The following BRAF variants were observed in gnomAD, a reference collection of about 807,000 sequenced individuals.
The protein encoded by BRAF is B-Raf proto-oncogene, serine/threonine kinase, also known as serine/threonine-protein kinase B-raf.
Under a neutral mutation model 104.6 loss-of-function variants are expected in BRAF, and 16 were observed. The ratio of observed to expected loss-of-function variants is 0.15; its 90% confidence interval spans 0.10 to 0.23. BRAF has a LOEUF of 0.23. Among genes scored for constraint, BRAF ranks in the 10% least tolerant of loss-of-function variants. The probability of loss-of-function intolerance (pLI) is 1.00; values close to 1 mark genes in which losing one functional copy is unlikely to be tolerated. For synonymous variants in BRAF, 310 were observed against 341.6 expected (o/e 0.91, Z 1.02); for missense variants, 541 against 937.3 (o/e 0.58, Z 5.52).
intron 2 of BRAF, 174 bp from the exon 3 acceptor site, chr7:140,835,046 TGATA>T (rs1807177830): frequency 2.8e-6 from 2 of 703,092 alleles, no homozygotes; most frequent in Non-Finnish European, 4.7e-6. Flanking sequence ...ACCTTTAAAT[TGATA>T]AATTCTTTGT....
rs563842933 is a variant in BRAF at position 140,913,200 on chromosome 7, T to C, written c.138+11366A>G. 6.2e-4 allele frequency among the ~76,000 whole-genome samples: 94 copies of C among 152,096 alleles called. 1 individual carries two copies. The highest frequency in any genetic ancestry group is 2.1e-3 in the African/African-American group (89 of 41,484). On this transcript the variant is annotated intron_variant, in intron 1 of 19. Transcript: ENST00000644969. ...CCACAGCACTTATTACCTTTGAACA[T>C]ACTACATAATTTCCTTTCTGTATGT...
chr7:140,727,476 A>T (rs917039840), intron 19 of BRAF, among the ~76,000 whole-genome samples: 1 of 151,014 alleles, frequency 6.6e-6, no homozygotes, highest in Non-Finnish European at 1.5e-5. Context: ...GAGCCACTGC[A>T]CCCGGCCGCC....
chr7:140,765,494 C>T (rs975499796), intron 14 of BRAF, among the ~76,000 whole-genome samples: 1 of 152,074 alleles, frequency 6.6e-6, no homozygotes, highest in East Asian at 1.9e-4. Flanking sequence ...AAAGAAACTA[C>T]CATCAGAGTG....
At chr7:140,811,351 G>A (rs889272018) in intron 3 of BRAF, among the ~76,000 whole-genome samples, 2 of 152,130 alleles carry the variant, frequency 1.3e-5, no homozygotes, top group African/African-American at 4.8e-5. Flanking sequence ...CAGAGGCTAA[G>A]GCAGAGTGGC....
chr7:140,766,528 A>C (rs1224770440), intron 14 of BRAF, among the ~76,000 whole-genome samples: 1 of 152,160 alleles, frequency 6.6e-6, no homozygotes, highest in Non-Finnish European at 1.5e-5. Flanking sequence ...TAGATTCCAC[A>C]AATGTCAACA....
intron 1 of BRAF, among the ~76,000 whole-genome samples, chr7:140,917,930 C>G (rs1817794582): frequency 6.6e-6 from 1 of 152,136 alleles, no homozygotes; most frequent in African/African-American, 2.4e-5. Context: ...TGTCTATTAG[C>G]TACTTCTGAG....
intron 2 of BRAF, among the ~76,000 whole-genome samples, chr7:140,846,413 C>T (rs551738222): frequency 6.6e-6 from 1 of 152,208 alleles, no homozygotes; most frequent in East Asian, 1.9e-4. Flanking sequence ...AAGCCAGTCA[C>T]AAAAGGACAA....
At chr7:140,731,919 C>G (rs1476791033) in intron 19 of BRAF, 2 of 151,732 alleles carry the variant, frequency 1.3e-5, no homozygotes, top group African/African-American at 4.8e-5. Context: ...CGCCTGTAAT[C>G]CCAGCACTTT....
chr7:140,747,492 T>G (rs1042991230), intron 17 of BRAF: 1 of 982,260 alleles, frequency 1.0e-6, no homozygotes, highest in Non-Finnish European at 1.4e-6. Context: ...TGGGATGCTT[T>G]TATCTGTATT....
chr7:140,757,448 C>T (rs1277203706), intron 14 of BRAF, among the ~76,000 whole-genome samples: 1 of 152,078 alleles, frequency 6.6e-6, no homozygotes, highest in Non-Finnish European at 1.5e-5. Flanking sequence ...CGCCACCATG[C>T]CCAGCTAATT....
In BRAF at chr7:140,726,428, T is replaced by C; in HGVS notation, c.*66A>G. 1.1e-5 allele frequency: 17 copies of C among 1,531,722 alleles called. No homozygotes were observed. The highest frequency in any genetic ancestry group is 1.3e-5 in the Non-Finnish European group (15 of 1,145,830). The allele number at this position is 1,531,722 out of a possible 1,614,324, so 94.9% of individuals were successfully genotyped here. ...AAGATTTGAGGAACAGAACTGTGTT[T>C]TGATGTTAACAAATTGTACGAACAC... On this transcript the variant is annotated 3_prime_UTR_variant, in exon 20 of 20. Coordinates refer to ENST00000644969, the MANE Select transcript of BRAF (RefSeq NM_001374258.1).
chr7:140,888,460 A>C (rs1303107434), intron 1 of BRAF, among the ~76,000 whole-genome samples: 1 of 152,096 alleles, frequency 6.6e-6, no homozygotes, highest in Non-Finnish European at 1.5e-5. Context: ...AGAAAACATT[A>C]TTGCTGCTAG....
At chr7:140,777,782 G>A (rs1413485391) in intron 13 of BRAF, among the ~76,000 whole-genome samples, 1 of 152,020 alleles carries the variant, frequency 6.6e-6, no homozygotes, top group Non-Finnish European at 1.5e-5. Flanking sequence ...TTCAGTCTAG[G>A]ACTAAGTATT....
At chr7:140,917,126 T>C (rs1458775481) in intron 1 of BRAF, among the ~76,000 whole-genome samples, 1 of 152,232 alleles carries the variant, frequency 6.6e-6, no homozygotes, top group Non-Finnish European at 1.5e-5. Context: ...AATGACGCGA[T>C]CTCGGCTCAC....
chr7:140,721,829 C>T lies in BRAF; in HGVS notation c.*4665G>A. 7.3e-7 allele frequency: 1 copy of T among 1,366,176 alleles called. No individual in the cohort carries two copies. The highest frequency in any genetic ancestry group is 9.4e-7 in the Non-Finnish European group (1 of 1,061,916). The allele number at this position is 1,366,176 out of a possible 1,614,324, so 84.6% of individuals were successfully genotyped here. ...CCAGGTCATAAAGGATGCCTTGAGACCTCCACCCTGGCCCCCACAGCGCTT... is the reference window on the plus strand; with the variant it reads ...CCAGGTCATAAAGGATGCCTTGAGATCTCCACCCTGGCCCCCACAGCGCTT... On this transcript the variant is annotated 3_prime_UTR_variant, in exon 20 of 20. Coordinates refer to ENST00000644969, the MANE Select transcript of BRAF (RefSeq NM_001374258.1).
rs147877017 is a variant in BRAF, at chr7:140,813,888, TAC to T, written c.505-4895_505-4894del. On this transcript the variant is annotated intron_variant, in intron 3 of 19. Coordinates refer to ENST00000644969, the MANE Select transcript of BRAF (RefSeq NM_001374258.1). ...ATGCACATGCATGCGGACGCATACA[TAC>T]ACACACACACACACACACACACACC... Among the ~76,000 whole-genome samples the T allele has an allele frequency of 1.9e-3, 279 of 146,836 alleles. 4 individuals carry two copies. The South Asian group carries it at 0.023, about 12-fold the overall frequency.
intron 1 of BRAF, among the ~76,000 whole-genome samples, chr7:140,884,881 T>G (rs896056660): frequency 6.6e-6 from 1 of 152,094 alleles, no homozygotes; most frequent in Non-Finnish European, 1.5e-5. Flanking sequence ...ACAAAAAAAC[T>G]AATTAACAAA....
intron 12 of BRAF, chr7:140,779,777 C>T (rs1384552767): frequency 6.6e-6 from 1 of 152,078 alleles, no homozygotes; most frequent in Non-Finnish European, 1.5e-5. Flanking sequence ...ACTCAAAATA[C>T]AAAAATTAGC....
intron 5 of BRAF, among the ~76,000 whole-genome samples, chr7:140,807,087 T>C (rs114912169): frequency 4.2e-4 from 64 of 152,324 alleles, no homozygotes; most frequent in African/African-American, 1.5e-3. Context: ...TCTCAAGTTC[T>C]ATGTAGATCC....
Sources: allele counts gnomAD v4.1 joint callset (sites outside exome capture counted in the v4.1 genomes callset), GRCh38; gene constraint gnomAD v4.1.1; transcripts MANE v1.5; gene names NCBI Gene and HGNC (gene_info 2026-07-23, HGNC 2026-07-21).